Variants in ANAPC4 observed in about 807,000 individuals in gnomAD.
ANAPC4 encodes the protein anaphase-promoting complex subunit 4.
ANAPC4 carries 63 observed loss-of-function variants against 119.8 expected under a neutral mutation model. That is an observed-to-expected ratio of 0.53 (90% CI 0.43 to 0.65). ANAPC4 has a LOEUF of 0.65. Among genes scored for constraint, ANAPC4 ranks in the 30% least tolerant of loss-of-function variants. The pLI is 0.00. For missense variants in ANAPC4, 716 were observed against 945.1 expected (o/e 0.76, Z 3.18); for synonymous variants, 283 against 318.6 (o/e 0.89, Z 1.19).
chr4:25,379,378 A>G (rs575598667), intron 2 of ANAPC4, among the ~76,000 whole-genome samples: 21 of 152,350 alleles, frequency 1.4e-4, no homozygotes, highest in Admixed American at 1.0e-3. Context: ...GAGGACTGCA[A>G]TTAAGACGGA....
At chr4:25,377,668 C>T in intron 2 of ANAPC4, 112 bp downstream of exon 2, 1 of 1,454,486 alleles carries the variant, frequency 6.9e-7, no homozygotes, top group Non-Finnish European at 9.1e-7. Flanking sequence ...CTCAGTTTCC[C>T]CTTCTGCAGA....
At chr4:25,414,235 A>G in intron 22 of ANAPC4, 89 bp from the exon 23 acceptor site, 3 of 935,102 alleles carry the variant, frequency 3.2e-6, no homozygotes, top group Non-Finnish European at 4.6e-6. Context: ...TTTTTACCAC[A>G]TTCGAACAGT....
intron 19 of ANAPC4, 76 bp from the exon 20 acceptor site, chr4:25,407,121 A>G (rs1331810196): frequency 1.6e-6 from 2 of 1,268,508 alleles, no homozygotes; most frequent in Admixed American, 4.7e-5. Context: ...TTGAAAAGGA[A>G]GGTTTTGGGT....
In ANAPC4 at chr4:25,418,262, A is replaced by G; in HGVS notation, c.2307A>G (p.Val769=). 1 of 1,614,082 alleles carries G rather than the reference A, an allele frequency of 6.2e-7. No individual in the cohort carries two copies. Among genetic ancestry groups the G allele is most frequent in the Non-Finnish European group, 8.5e-7 (1 of 1,179,964 alleles). The part of the protein sequence containing the change: ...DEEEEASNKP[V]KIKEEVLSES... Reference sequence around the variant, plus strand: ...AGGAGGAGGCCAGTAATAAGCCTGTAAAAATAAAGGAAGAAGTGTTGTCGG... The same window carrying G: ...AGGAGGAGGCCAGTAATAAGCCTGTGAAAATAAAGGAAGAAGTGTTGTCGG... Residue 769 remains valine, a synonymous_variant, in exon 29 of 29, where the codon GTA becomes GTG. Transcript: ENST00000315368.
At chr4:25,393,940 T>A (rs1722497505) in intron 11 of ANAPC4, 49 bp downstream of exon 11, 1 of 1,417,568 alleles carries the variant, frequency 7.1e-7, no homozygotes, top group African/African-American at 1.4e-5. Flanking sequence ...ATGCATGATG[T>A]ATGTCTTTAC....
chr4:25,384,379 G>C (rs763841052), intron 4 of ANAPC4, among the ~76,000 whole-genome samples: 2 of 152,130 alleles, frequency 1.3e-5, no homozygotes, highest in Non-Finnish European at 2.9e-5. Flanking sequence ...TGTTAATGTT[G>C]ATATTTTGAC....
chr4:25,397,615 C>T (rs1447130338), intron 16 of ANAPC4, among the ~76,000 whole-genome samples: 1 of 152,216 alleles, frequency 6.6e-6, no homozygotes, highest in Non-Finnish European at 1.5e-5. Flanking sequence ...ACTTAATTGA[C>T]AGCTGGCTTT....
chr4:25,404,810 T>C (rs1341801319), intron 17 of ANAPC4, among the ~76,000 whole-genome samples: 1 of 152,136 alleles, frequency 6.6e-6, no homozygotes, highest in Non-Finnish European at 1.5e-5. Context: ...TTTATACTGA[T>C]ATATTGCTAG....
Position 25,383,038 on chromosome 4 carries a change from TCTC to T in ANAPC4, c.236-220_236-218del, listed in dbSNP as rs148626453. On this transcript the variant is annotated intron_variant, in intron 3 of 28. Transcript: ENST00000315368. ...GTGTGCTACGTGAGAAAGTAGTAGA[TCTC>T]CTATAAAGTTTGAGCACTTGAAAAT... Among the ~76,000 whole-genome samples the T allele has an allele frequency of 2.2e-3, 338 of 152,276 alleles. 5 individuals are homozygous for T. Among genetic ancestry groups the T allele is most frequent in the African/African-American group, 7.8e-3 (325 of 41,560 alleles).
chr4:25,416,444 GCA>G lies in ANAPC4; in HGVS notation c.1924_1925del (p.Gln642ValfsTer3). On this transcript the variant is annotated frameshift_variant, in exon 27 of 29. Transcript: ENST00000315368. LOFTEE classifies it high-confidence loss of function. ...VRRSIYSCLD[A>X]QFYDDETVTV... ...TTCTAGCATCTACAGTTGTTTAGAT[GCA>G]CAGTTTTATGATGATGAAACTGTAA... The G allele has an allele frequency of 6.5e-7, 1 of 1,546,726 alleles. No homozygotes were observed. The highest frequency in any genetic ancestry group is 1.8e-5 in the Admixed American group (1 of 54,198).
rs553823158 is a variant in ANAPC4, at chr4:25,389,500, C to T, written c.515+618C>T. ...TAGAGACGGGGTTTCACCATGTTGG[C>T]CAGGCTGGTCTCAGACTCCCAACCT... On this transcript the variant is annotated intron_variant, in intron 7 of 28. Transcript: ENST00000315368. 3.3e-5 allele frequency among the ~76,000 whole-genome samples: 5 copies of T among 151,972 alleles called. No individual in the cohort carries two copies. In the East Asian group the frequency reaches 9.7e-4, roughly 30 times the overall value.
At chr4:25,401,527 C>T (rs148586779) in intron 16 of ANAPC4, among the ~76,000 whole-genome samples, 28 of 152,326 alleles carry the variant, frequency 1.8e-4, no homozygotes, top group African/African-American at 4.8e-4. Flanking sequence ...CCACACATCA[C>T]CCTGAGGTCT....
Position 25,413,718 on chromosome 4 carries a change from T to G in ANAPC4, c.1599T>G (p.Ile533Met). The part of the protein sequence containing the change: ...HFVKRRMENI[I>M]DQCLQKPADV... ...TGAAAAGGCGGATGGAGAATATTAT[T>G]GATCAGTGTTTGCAAAAGCCAGCAG... Residue 533 changes from isoleucine to methionine, a missense_variant, in exon 22 of 29, where the codon ATT (isoleucine) becomes ATG (methionine). Ile to Met is a conservative substitution (Grantham distance 10). Coordinates refer to ENST00000315368, the MANE Select transcript of ANAPC4 (RefSeq NM_013367.3). 1 of 1,613,280 alleles carries G rather than the reference T, an allele frequency of 6.2e-7. No homozygotes were observed. The highest frequency in any genetic ancestry group is 8.5e-7 in the Non-Finnish European group (1 of 1,179,558).
chr4:25,395,352 A>G (rs1722588597), intron 14 of ANAPC4: 1 of 152,956 alleles, frequency 6.5e-6, no homozygotes, highest in South Asian at 2.1e-4. Context: ...GTCGGAGCCA[A>G]GACTTCATCC....
At chr4:25,378,792 C>T (rs1721552120) in intron 2 of ANAPC4, among the ~76,000 whole-genome samples, 1 of 152,190 alleles carries the variant, frequency 6.6e-6, no homozygotes, top group African/African-American at 2.4e-5. Flanking sequence ...ATTTGAGAGA[C>T]ACTGGTTGAA....
intron 9 of ANAPC4, 47 bp downstream of exon 9, chr4:25,391,062 C>A: frequency 7.2e-7 from 1 of 1,392,148 alleles, no homozygotes; most frequent in Non-Finnish European, 1.0e-6. Flanking sequence ...ATGTATTTAA[C>A]AGGTTTTATA....
chr4:25,390,724 T>C (rs1228188340), intron 8 of ANAPC4, among the ~76,000 whole-genome samples, 187 bp from the exon 9 acceptor site: 1 of 152,188 alleles, frequency 6.6e-6, no homozygotes, highest in Non-Finnish European at 1.5e-5. Flanking sequence ...AACCAGGTTA[T>C]TTTTGTGGCC....
intron 16 of ANAPC4, among the ~76,000 whole-genome samples, chr4:25,402,190 G>A (rs781184502): frequency 6.6e-6 from 1 of 152,054 alleles, no homozygotes; most frequent in Non-Finnish European, 1.5e-5. Context: ...TATTCCAAGC[G>A]TTTTACTTTG....
intron 11 of ANAPC4, 41 bp downstream of exon 11, chr4:25,393,932 G>A: frequency 5.5e-6 from 8 of 1,464,968 alleles, no homozygotes; most frequent in Non-Finnish European, 6.6e-6. Context: ...GTTAAAGAAT[G>A]CATGATGTAT....
Sources: allele counts gnomAD v4.1 joint callset (sites outside exome capture counted in the v4.1 genomes callset), GRCh38; gene constraint gnomAD v4.1.1; transcripts MANE v1.5; gene names NCBI Gene and HGNC (gene_info 2026-07-23, HGNC 2026-07-21).